ESR2: variants seen among roughly 807,000 people sequenced by gnomAD.
ESR2 encodes estrogen receptor 2, also known as estrogen receptor beta.
In ESR2, 36 loss-of-function variants were observed where a neutral mutation model predicts 49.6. The ratio of observed to expected loss-of-function variants is 0.73; its 90% CI spans 0.56 to 0.96. The LOEUF (loss-of-function observed/expected upper bound fraction) is 0.96. ESR2 is among the 40% of genes least tolerant of loss of function. The probability of loss-of-function intolerance (pLI) is 0.00; values close to 1 mark genes in which losing one functional copy is unlikely to be tolerated. For missense variants in ESR2, 714 were observed against 693.0 expected, an observed-to-expected ratio of 1.03 and a Z score of -0.34; for synonymous variants, 320 against 266.1, an observed-to-expected ratio of 1.20 and a Z score of -1.97.
At chr14:64,242,086 T>C (rs2075740352) in intron 7 of ESR2, among the ~76,000 whole-genome samples, 1 of 152,180 alleles carries the variant, frequency 6.6e-6, no homozygotes. Flanking sequence ...GAGTGGATGT[T>C]GGATTTTGTC....
chr14:64,318,345 T>C (rs1354795538), intron 1 of ESR2, among the ~76,000 whole-genome samples: 4 of 151,506 alleles, frequency 2.6e-5, no homozygotes, highest in Admixed American at 2.0e-4. Context: ...GAGACCAGCC[T>C]GACCAACATA....
At chr14:64,251,406 A>AATAC (rs1237886034) in intron 6 of ESR2, among the ~76,000 whole-genome samples, 3 of 111,548 alleles carry the variant, frequency 2.7e-5, no homozygotes, top group African/African-American at 1.6e-4. Flanking sequence ...ACACATGCAC[A>AATAC]ATACATACAC....
At chr14:64,257,116 T>G in intron 6 of ESR2, 110 bp downstream of exon 6, 1 of 993,302 alleles carries the variant, frequency 1.0e-6, no homozygotes, top group Non-Finnish European at 1.6e-6. Flanking sequence ...GCTATCATCC[T>G]CTGCCCTGCA....
At chr14:64,289,608 A>G (rs970576137) in intron 1 of ESR2, among the ~76,000 whole-genome samples, 1 of 152,326 alleles carries the variant, frequency 6.6e-6, no homozygotes, top group Middle Eastern at 3.4e-3. Context: ...CTATTGGTAT[A>G]TCACTGGATA....
Position 64,289,303 on chromosome 14 carries a change from G to A in ESR2, c.-91+4730C>T, listed in dbSNP as rs140128270. Among the ~76,000 whole-genome samples, 875 of 151,926 alleles carry A rather than the reference G, an allele frequency of 5.8e-3. 12 individuals carry two copies. The highest frequency in any genetic ancestry group is 0.02 in the African/African-American group (841 of 41,462). On this transcript the variant is annotated intron_variant, in intron 1 of 8. Transcript: ENST00000341099. ...CAAGGTGGGCAGATCACCTGAGGTC[G>A]GGAGTTTGAGACCAGCCTAACCAAC...
At chr14:64,331,065 A>C (rs1242807559) in intron 1 of ESR2, 2 of 152,252 alleles carry the variant, frequency 1.3e-5, no homozygotes, top group Non-Finnish European at 2.9e-5. Context: ...AAATAGCCTA[A>C]ACATTCCAAT....
rs565210086 is a variant in ESR2, at chr14:64,233,189, G to A, written c.1541C>T (p.Pro514Leu). The A allele has an allele frequency of 6.1e-5, 99 of 1,614,028 alleles. 3 individuals carry two copies. The Middle Eastern group carries it at 6.6e-4, about 11-fold the overall frequency. Residue 514 changes from proline (P) to leucine (L), a missense_variant, in exon 9 of 9, where the codon CCG becomes CTG. Coordinates refer to ENST00000341099, the MANE Select transcript of ESR2 (RefSeq NM_001437.3). The part of the protein sequence containing the change: ...KSSITGSECS[P>L]AEDSKSKEGS... ...CTCTTTGCTTTTACTGTCCTCTGCC[G>A]GGCTGCACTCGGACCCCGTGATGGA...
intron 3 of ESR2, among the ~76,000 whole-genome samples, chr14:64,271,370 G>A (rs2076442449): frequency 6.6e-6 from 1 of 152,146 alleles, no homozygotes; most frequent in South Asian, 2.1e-4. Flanking sequence ...CTGTCACCCA[G>A]GCTGGAGTTC....
chr14:64,327,552 C>T (rs146085080), intron 1 of ESR2, among the ~76,000 whole-genome samples: 2,394 of 151,832 alleles, frequency 0.016, 68 homozygotes, highest in East Asian at 0.088. Context: ...AAAAATTAGC[C>T]GGGTGTGGTG....
At chr14:64,236,606 C>A (rs1168700061) in intron 7 of ESR2, among the ~76,000 whole-genome samples, 1 of 152,090 alleles carries the variant, frequency 6.6e-6, no homozygotes, top group Non-Finnish European at 1.5e-5. Flanking sequence ...CGCCTTGAGT[C>A]CCCCTCTCAA....
At chr14:64,274,341 G>A (rs1400454414) in intron 3 of ESR2, among the ~76,000 whole-genome samples, 1 of 152,096 alleles carries the variant, frequency 6.6e-6, no homozygotes, top group Non-Finnish European at 1.5e-5. Flanking sequence ...TTAACAGTAT[G>A]TATGTGGTCT....
At chr14:64,237,856 G>A (rs1396615439) in intron 7 of ESR2, among the ~76,000 whole-genome samples, 1 of 152,176 alleles carries the variant, frequency 6.6e-6, no homozygotes, top group Admixed American at 6.5e-5. Flanking sequence ...GCAAATTAGT[G>A]GTTGCCTAGG....
chr14:64,281,876 T>C (rs886678880), intron 2 of ESR2, among the ~76,000 whole-genome samples: 1 of 152,272 alleles, frequency 6.6e-6, no homozygotes, highest in South Asian at 2.1e-4. Flanking sequence ...CATCTATCTT[T>C]TCATGCTTCG....
chr14:64,228,151 G>A, downstream of ESR2: 1 of 947,908 alleles, frequency 1.1e-6, no homozygotes. Flanking sequence ...TTCTGAAATT[G>A]TACTCAAGCA....
chr14:64,269,680 C>G (rs2076400123), intron 3 of ESR2, among the ~76,000 whole-genome samples: 1 of 152,244 alleles, frequency 6.6e-6, no homozygotes, highest in Middle Eastern at 3.4e-3. Flanking sequence ...AAGCCCAGAA[C>G]CAAGTTTATG....
intron 5 of ESR2, among the ~76,000 whole-genome samples, chr14:64,258,126 C>G (rs188107890): frequency 6.6e-6 from 1 of 152,040 alleles, no homozygotes; most frequent in African/African-American, 2.4e-5. Context: ...GGATGATCGC[C>G]TGAGCCCAGG....
chr14:64,277,502 G>T (rs1262838630), intron 3 of ESR2, among the ~76,000 whole-genome samples: 1 of 151,732 alleles, frequency 6.6e-6, no homozygotes, highest in Non-Finnish European at 1.5e-5. Context: ...GCCAGCTCCT[G>T]TAATCCCAGC....
At chr14:64,307,597 C>T (rs28791544) in intron 1 of ESR2, among the ~76,000 whole-genome samples, 35,840 of 151,662 alleles carry the variant, frequency 0.24, 4,315 homozygotes, top group Middle Eastern at 0.32. Context: ...TGCAGTGGCA[C>T]GATCTCAGCT....
intron 1 of ESR2, among the ~76,000 whole-genome samples, chr14:64,303,084 G>A (rs564566052): frequency 2.0e-5 from 3 of 152,160 alleles, no homozygotes; most frequent in African/African-American, 4.8e-5. Context: ...ACAGGCATGA[G>A]CCACCGCGCC....
Sources: allele counts gnomAD v4.1 joint callset (sites outside exome capture counted in the v4.1 genomes callset), GRCh38; gene constraint gnomAD v4.1.1; transcripts MANE v1.5; gene names NCBI Gene and HGNC (gene_info 2026-07-23, HGNC 2026-07-21).